Variants in B4GALNT3 observed in about 807,000 individuals in gnomAD.
B4GALNT3 encodes beta-1,4-N-acetylgalactosaminyltransferase 3.
B4GALNT3 carries 86 observed loss-of-function variants against 120.2 expected under a neutral mutation model. That is an observed-to-expected ratio of 0.72 (90% CI 0.60 to 0.86). The LOEUF (loss-of-function observed/expected upper bound fraction) is 0.86. B4GALNT3 is among the 40% of genes least tolerant of loss of function. The pLI, the probability that B4GALNT3 is intolerant of heterozygous loss-of-function variation, is 0.00. For synonymous variants in B4GALNT3, 518 were observed against 510.4 expected (o/e 1.01, Z -0.20); for missense variants, 1,167 against 1,298.9 (o/e 0.90, Z 1.56).
intron 1 of B4GALNT3, among the ~76,000 whole-genome samples, chr12:506,106 GA>G (rs1162295770): frequency 3.0e-5 from 2 of 67,254 alleles, no homozygotes; most frequent in Admixed American, 1.5e-4. Context: ...ATGCAGTTCA[GA>G]TTTTTTTTTT....
chr12:518,003 A>G (rs1251097743), intron 1 of B4GALNT3, among the ~76,000 whole-genome samples: 1 of 152,244 alleles, frequency 6.6e-6, no homozygotes, highest in Non-Finnish European at 1.5e-5. Context: ...CAAATCATGT[A>G]AACTCTTTAA....
At chr12:507,099 C>T (rs1252242262) in intron 1 of B4GALNT3, among the ~76,000 whole-genome samples, 2 of 152,206 alleles carry the variant, frequency 1.3e-5, no homozygotes, top group Admixed American at 6.5e-5. Flanking sequence ...GAACCAATAT[C>T]GGATGTTATT....
intron 11 of B4GALNT3, among the ~76,000 whole-genome samples, chr12:551,303 G>GAA (rs1947080060): frequency 6.6e-6 from 1 of 152,210 alleles, no homozygotes; most frequent in South Asian, 2.1e-4. Context: ...GATATCAGGT[G>GAA]GCCTGGCTGA....
At chr12:527,147 C>T (rs547999795) in intron 1 of B4GALNT3, among the ~76,000 whole-genome samples, 65 of 152,186 alleles carry the variant, frequency 4.3e-4, no homozygotes, top group Non-Finnish European at 7.1e-4. Flanking sequence ...AGGCTGGTCT[C>T]GAACTCTTGA....
chr12:467,630 T>C (rs7295693), intron 1 of B4GALNT3, among the ~76,000 whole-genome samples: 75,714 of 152,064 alleles, frequency 0.5, 19,862 homozygotes, highest in East Asian at 0.62. Flanking sequence ...CAGCTGTGTA[T>C]CTGGACCACA....
intron 16 of B4GALNT3, 34 bp from the exon 17 acceptor site, chr12:557,982 T>C (rs770320690): frequency 1.9e-6 from 3 of 1,609,154 alleles, no homozygotes; most frequent in Admixed American, 3.3e-5. Flanking sequence ...CGCAGCTGAG[T>C]CCTGATACGC....
chr12:546,558 G>T (rs1947010643), intron 6 of B4GALNT3, 88 bp from the exon 7 acceptor site: 6 of 1,186,552 alleles, frequency 5.1e-6, no homozygotes, highest in Non-Finnish European at 7.3e-6. Context: ...CTCACTTCTT[G>T]GTTCTCCTTC....
At position 546,663 on chromosome 12, in the gene B4GALNT3, C is replaced by G. The variant is rs139972203; in HGVS notation, c.657C>G (p.Thr219=). ...ACCTCTAGACTGGAAAGGAGTGGAC[C>G]GCCCCGGGAGAGTTTGGGAAATTTC... ...ASVGKTGKEW[T]APGEFGKFRS... The change falls in exon 7 of 20, where the codon ACC becomes ACG. Residue 219 remains threonine, a synonymous_variant. Coordinates refer to ENST00000266383, the MANE Select transcript of B4GALNT3 (RefSeq NM_173593.4). 23 of 1,551,432 alleles carry G rather than the reference C, an allele frequency of 1.5e-5. No individual in the cohort carries two copies. The highest frequency in any genetic ancestry group is 1.9e-5 in the Non-Finnish European group (22 of 1,146,898).
At chr12:482,927 A>G (rs2120478348) in intron 1 of B4GALNT3, among the ~76,000 whole-genome samples, 1 of 152,156 alleles carries the variant, frequency 6.6e-6, no homozygotes, top group Non-Finnish European at 1.5e-5. Context: ...TTTTTTCTGG[A>G]GACAGGATCT....
chr12:534,476 C>A (rs1003640307), intron 1 of B4GALNT3, among the ~76,000 whole-genome samples: 7 of 152,160 alleles, frequency 4.6e-5, no homozygotes, highest in African/African-American at 1.7e-4. Flanking sequence ...TTTCCTGTTC[C>A]CTCCCTCCCT....
At chr12:506,286 C>T (rs1340796117) in intron 1 of B4GALNT3, among the ~76,000 whole-genome samples, 1 of 151,994 alleles carries the variant, frequency 6.6e-6, no homozygotes, top group Non-Finnish European at 1.5e-5. Context: ...CTAAGAAAAC[C>T]AAGGATCAGG....
At chr12:510,015 C>T (rs1319545394) in intron 1 of B4GALNT3, among the ~76,000 whole-genome samples, 2 of 152,168 alleles carry the variant, frequency 1.3e-5, no homozygotes, top group African/African-American at 4.8e-5. Flanking sequence ...CTTCCATGGC[C>T]GAGTGAGTTC....
chr12:527,789 C>T (rs565952625), intron 1 of B4GALNT3, among the ~76,000 whole-genome samples: 15 of 152,288 alleles, frequency 9.8e-5, no homozygotes, highest in Non-Finnish European at 7.4e-5. Context: ...CACTCAAATG[C>T]TCTCATGTCC....
chr12:547,101 G>A (rs151057196), intron 7 of B4GALNT3, among the ~76,000 whole-genome samples: 1,900 of 152,294 alleles, frequency 0.012, 22 homozygotes, highest in Middle Eastern at 0.031. Context: ...GGAGCGTAGC[G>A]CGGCCTCAGA....
chr12:504,952 G>A (rs1162638650), intron 1 of B4GALNT3, among the ~76,000 whole-genome samples: 7 of 151,494 alleles, frequency 4.6e-5, no homozygotes, highest in Admixed American at 2.6e-4. Flanking sequence ...GTGCAGTGGC[G>A]CGATCTCGGC....
In B4GALNT3 at chr12:556,848, G is replaced by T. The variant is rs1416161082; in HGVS notation, c.2362G>T (p.Val788Phe). The change falls in exon 15 of 20, where the codon GTC becomes TTC. Residue 788 changes from valine to phenylalanine, a missense_variant. By Grantham distance (50) the Val-to-Phe change is conservative. Coordinates refer to ENST00000266383, the MANE Select transcript of B4GALNT3 (RefSeq NM_173593.4). Reference sequence around the variant, plus strand: ...TTTCTCCTGGAGTCACCGAGCCGTGGTCCACTTCGTCGTGCCTGGTGAGCC... The same window carrying T: ...TTTCTCCTGGAGTCACCGAGCCGTGTTCCACTTCGTCGTGCCTGGTGAGCC... ...QGFSWSHRAVVHFVVPVKNQA... is the reference protein window; with the variant it reads ...QGFSWSHRAVFHFVVPVKNQA... 3.1e-6 allele frequency: 5 copies of T among 1,605,570 alleles called. No homozygotes were observed. In the South Asian group the frequency reaches 5.5e-5, roughly 18 times the overall value.
rs139630531 is a variant in B4GALNT3 at position 556,574 on chromosome 12, C to T, written c.2088C>T (p.Asn696=). 1.9e-3 allele frequency: 3,096 copies of T among 1,613,712 alleles called. 26 individuals carry two copies. The African/African-American group carries it at 0.028, about 14-fold the overall frequency. The change falls in exon 15 of 20, where the codon AAC becomes AAT. Residue 696 remains asparagine, a synonymous_variant. Transcript: ENST00000266383. Reference sequence around the variant, plus strand: ...GGTACCAGCTACAGCGCATTGTGAACGTGGAAAAGCGTCAGGACCAGCTAC... The same window carrying T: ...GGTACCAGCTACAGCGCATTGTGAATGTGGAAAAGCGTCAGGACCAGCTAC... ...RGRYQLQRIV[N]VEKRQDQLRG...
intron 1 of B4GALNT3, among the ~76,000 whole-genome samples, chr12:512,954 CTTCCACCTTCCACT>C (rs1946609819): frequency 1.5e-5 from 2 of 135,760 alleles, no homozygotes; most frequent in South Asian, 2.2e-4. Flanking sequence ...CTTCTTCCAC[CTTCCACCTTCCACT>C]TTCCACCTTC....
At chr12:475,255 A>C (rs7958322) in intron 1 of B4GALNT3, among the ~76,000 whole-genome samples, 83,201 of 152,028 alleles carry the variant, frequency 0.55, 23,297 homozygotes, top group East Asian at 0.75. Flanking sequence ...TGACCCCTAT[A>C]CATGGATCCC....
Sources: gnomAD v4.1 joint callset for allele counts (sites outside exome capture counted in the v4.1 genomes callset) on GRCh38, gnomAD v4.1.1 for gene constraint, MANE v1.5 for transcripts, NCBI Gene and HGNC (gene_info 2026-07-23, HGNC 2026-07-21) for gene names.